RAET1G: variants seen among roughly 807,000 people sequenced by gnomAD.
RAET1G encodes retinoic acid early transcript 1G.
A neutral mutation model predicts 29.5 loss-of-function variants in RAET1G; 25 were observed. That is an observed-to-expected ratio of 0.85 (90% CI 0.62 to 1.18). The LOEUF (loss-of-function observed/expected upper bound fraction) is 1.18. Among genes scored for constraint, RAET1G ranks in the 50% most tolerant of loss-of-function variants. RAET1G has a pLI of 0.00. For missense variants in RAET1G, 434 were observed against 423.6 expected (o/e 1.02, Z -0.22); for synonymous variants, 167 against 159.5 (o/e 1.05, Z -0.36).
chr6:149,920,583 C>A (rs972137732), intron 1 of RAET1G, among the ~76,000 whole-genome samples: 8 of 152,142 alleles, frequency 5.3e-5, no homozygotes, highest in Non-Finnish European at 1.0e-4. Context: ...TCAGGGATGC[C>A]TATTGCTGAA....
chr6:149,919,662 T>C lies in RAET1G; in HGVS notation c.240A>G (p.Lys80=), dbSNP rs1484158353. The change falls in exon 2 of 5, where the codon AAA becomes AAG. Residue 80 remains lysine, a synonymous_variant. Transcript: ENST00000367360. ...TVTPVSPLGK[K]LNVTTAWKAQ... ...CTTTCCAGGCCGTTGTGACATTTAG[T>C]TTCTTCCCCAGGGGACTGACGGGTG... 2 of 1,613,974 alleles carry C rather than the reference T, an allele frequency of 1.2e-6. No individual in the cohort carries two copies. Among genetic ancestry groups the C allele is most frequent in the African/African-American group, 1.3e-5 (1 of 75,044 alleles).
chr6:149,917,110 G>T, intron 4 of RAET1G, 36 bp from the exon 5 acceptor site: 1 of 1,510,622 alleles, frequency 6.6e-7, no homozygotes, highest in East Asian at 2.5e-5. Context: ...TTACGTCATT[G>T]TTTCTTCTAT....
intron 1 of RAET1G, 138 bp downstream of exon 1, chr6:149,922,788 G>A (rs894609603): frequency 6.1e-5 from 36 of 587,694 alleles, no homozygotes; most frequent in Non-Finnish European, 8.7e-5. Context: ...GGAAGGAGAC[G>A]CGGAGGGAAA....
At chr6:149,918,743 G>C (rs541826031) in intron 3 of RAET1G, 4 of 601,774 alleles carry the variant, frequency 6.6e-6, no homozygotes, top group South Asian at 6.4e-5. Flanking sequence ...TGATTCTCAA[G>C]AGGGAACACT....
intron 1 of RAET1G, among the ~76,000 whole-genome samples, chr6:149,920,072 C>T (rs1161101408): frequency 1.3e-5 from 2 of 152,178 alleles, no homozygotes; most frequent in African/African-American, 4.8e-5. Flanking sequence ...CTGTCCACAT[C>T]GGTCAACACA....
In RAET1G at chr6:149,923,030, G is replaced by A. The variant is rs1582803316; in HGVS notation, c.-20C>T. 3 of 1,573,952 alleles carry A rather than the reference G, an allele frequency of 1.9e-6. No individual in the cohort carries two copies. Among genetic ancestry groups the A allele is most frequent in the Non-Finnish European group, 2.6e-6 (3 of 1,158,294 alleles). Reference sequence around the variant, plus strand: ...TGCCATTGGGGAGTTGGATCGCAGGGGACAGCAGAAGCGAAGCCCAGCCCG... The same window carrying A: ...TGCCATTGGGGAGTTGGATCGCAGGAGACAGCAGAAGCGAAGCCCAGCCCG... On this transcript the variant is annotated 5_prime_UTR_variant, in exon 1 of 5. Coordinates refer to ENST00000367360, the MANE Select transcript of RAET1G (RefSeq NM_001001788.4).
chr6:149,922,869 G>T, intron 1 of RAET1G, 57 bp downstream of exon 1: 5 of 1,310,854 alleles, frequency 3.8e-6, no homozygotes, highest in Non-Finnish European at 5.3e-6. Flanking sequence ...GAAGCCCACA[G>T]TCCACAGCCC....
Position 149,918,657 on chromosome 6 carries a change from G to A in RAET1G, c.632-273C>T, listed in dbSNP as rs987738459. On this transcript the variant is annotated intron_variant, in intron 3 of 4. Transcript: ENST00000367360. ...GGAGGTGATGCTCCAGGGTGCGGGAGGGGAGGGTCACGAGGCTGGCCTTGG... is the reference window on the plus strand; with the variant it reads ...GGAGGTGATGCTCCAGGGTGCGGGAAGGGAGGGTCACGAGGCTGGCCTTGG... 5.1e-6 allele frequency: 3 copies of A among 592,044 alleles called. No homozygotes were observed. In the African/African-American group the frequency reaches 5.6e-5, roughly 11 times the overall value. 36.7% of individuals were successfully genotyped at this position (592,044 alleles called of 1,614,324 possible).
intron 3 of RAET1G, 141 bp downstream of exon 3, chr6:149,918,902 C>T (rs1387620454): frequency 7.1e-7 from 1 of 1,402,142 alleles, no homozygotes; most frequent in Non-Finnish European, 9.6e-7. Context: ...CGCCAGCACC[C>T]CCAGGAGGAG....
At chr6:149,922,814 G>T in intron 1 of RAET1G, 112 bp downstream of exon 1, 1 of 707,840 alleles carries the variant, frequency 1.4e-6, no homozygotes. Context: ...CGGGGGCGCA[G>T]TCCGGGGTGA....
intron 1 of RAET1G, among the ~76,000 whole-genome samples, 173 bp downstream of exon 1, chr6:149,922,753 G>A (rs1297998798): frequency 6.6e-6 from 1 of 151,770 alleles, no homozygotes; most frequent in African/African-American, 2.4e-5. Flanking sequence ...CGGAGGATAA[G>A]TAGCCTCTGG....
intron 1 of RAET1G, among the ~76,000 whole-genome samples, chr6:149,920,364 C>T (rs1403720911): frequency 2.0e-5 from 3 of 152,124 alleles, no homozygotes. Flanking sequence ...AGGGATGGTC[C>T]ACACAGCAAG....
chr6:149,918,212 A>G lies in RAET1G; in HGVS notation c.804T>C (p.His268=). The G allele has an allele frequency of 1.2e-6, 2 of 1,614,138 alleles. No individual in the cohort carries two copies. Among genetic ancestry groups the G allele is most frequent in the Non-Finnish European group, 1.7e-6 (2 of 1,180,004 alleles). Residue 268 remains histidine (H), a synonymous_variant, in exon 4 of 5, where the codon CAT becomes CAC. Coordinates refer to ENST00000367360, the MANE Select transcript of RAET1G (RefSeq NM_001001788.4). Reference sequence around the variant, plus strand: ...GGACTCTCCTCAGCAGCCAGGTAGGATGAAGCAGGGGAGGATGAGGAGGAG... The same window carrying G: ...GGACTCTCCTCAGCAGCCAGGTAGGGTGAAGCAGGGGAGGATGAGGAGGAG... The part of the protein sequence containing the change: ...LQPPPHPPLL[H]PTWLLRRVLW...
At chr6:149,920,540 G>A (rs1442931113) in intron 1 of RAET1G, among the ~76,000 whole-genome samples, 1 of 152,138 alleles carries the variant, frequency 6.6e-6, no homozygotes, top group Admixed American at 6.5e-5. Context: ...TATAAAGAAG[G>A]CCCCATGAGA....
Position 149,919,682 on chromosome 6 carries a change from CG to C in RAET1G, c.219del (p.Val74SerfsTer8), listed in dbSNP as rs1182562376. On this transcript the variant is annotated frameshift_variant, in exon 2 of 5. Coordinates refer to ENST00000367360, the MANE Select transcript of RAET1G (RefSeq NM_001001788.4). LOFTEE classifies it high-confidence loss of function. Reference protein sequence around the residue: ...HYDCGSKTVTPVSPLGKKLNV... With the variant: ...HYDCGSKTVTXVSPLGKKLNV... ...TTTAGTTTCTTCCCCAGGGGACTGA[CG>C]GGTGTGACTGTCTTGCTGCCACAGT... 6.2e-7 allele frequency: 1 copy of C among 1,613,520 alleles called. No homozygotes were observed. Among genetic ancestry groups the C allele is most frequent in the East Asian group, 2.2e-5 (1 of 44,898 alleles).
Position 149,916,888 on chromosome 6 carries a change from A to G in RAET1G, c.*24T>C, listed in dbSNP as rs1374858557. Reference sequence around the variant, plus strand: ...GACACAAGACAAAGAGACGGAAGAAAAGACAGCTGGGCCCAGGGAACCATC... The same window carrying G: ...GACACAAGACAAAGAGACGGAAGAAGAGACAGCTGGGCCCAGGGAACCATC... On this transcript the variant is annotated 3_prime_UTR_variant, in exon 5 of 5. Coordinates refer to ENST00000367360, the MANE Select transcript of RAET1G (RefSeq NM_001001788.4). The G allele has an allele frequency of 2.7e-6, 4 of 1,478,138 alleles. No homozygotes were observed. Among genetic ancestry groups the G allele is most frequent in the Non-Finnish European group, 3.6e-6 (4 of 1,111,782 alleles). The allele number at this position is 1,478,138 out of a possible 1,614,324, so 91.6% of individuals were successfully genotyped here.
At position 149,919,102 on chromosome 6, in the gene RAET1G, G is replaced by A. The variant is rs200821816; in HGVS notation, c.572C>T (p.Thr191Ile). 8.5e-5 allele frequency: 137 copies of A among 1,614,036 alleles called. 1 individual carries two copies. The Middle Eastern group carries it at 2.3e-3, about 27-fold the overall frequency. The change falls in exon 3 of 5, where the codon ACA becomes ATA. Residue 191 changes from threonine (T) to isoleucine (I), a missense_variant. Coordinates refer to ENST00000367360, the MANE Select transcript of RAET1G (RefSeq NM_001001788.4). ...CATCAAGAAGTCCTCAAGCCATCCT[G>A]TGCAGTCTCCCATTGAGATGTAATG... ...SFHYISMGDC[T>I]GWLEDFLMGM...
intron 3 of RAET1G, chr6:149,918,813 G>A (rs1227667684): frequency 1.5e-6 from 1 of 669,638 alleles, no homozygotes; most frequent in South Asian, 2.0e-5. Context: ...GAAATCCACA[G>A]TGTGGGGAAC....
rs114113483 is a variant in RAET1G at position 149,921,243 on chromosome 6, C to A, written c.86-1427G>T. Among the ~76,000 whole-genome samples, 430 of 152,336 alleles carry A rather than the reference C, an allele frequency of 2.8e-3. 2 individuals are homozygous for A. Among genetic ancestry groups the A allele is most frequent in the African/African-American group, 9.6e-3 (398 of 41,570 alleles). ...GCCTTAAGTGCCCAATGACCCAAGA[C>A]CCCCTAAGATCCTAGAGGTGCATGT... On this transcript the variant is annotated intron_variant, in intron 1 of 4. Coordinates refer to ENST00000367360, the MANE Select transcript of RAET1G (RefSeq NM_001001788.4).
Sources: gnomAD v4.1 joint callset for allele counts (sites outside exome capture counted in the v4.1 genomes callset) on GRCh38, gnomAD v4.1.1 for gene constraint, MANE v1.5 for transcripts, NCBI Gene and HGNC (gene_info 2026-07-23, HGNC 2026-07-21) for gene names.